The following TENM4 variants were observed in gnomAD, a reference collection of about 807,000 sequenced individuals.
TENM4 encodes the protein teneurin transmembrane protein 4, also known as teneurin-4.
In TENM4, 82 loss-of-function variants were observed where a neutral mutation model predicts 243.3. The ratio of observed to expected loss-of-function variants is 0.34; its 90% CI spans 0.28 to 0.40. TENM4 has a LOEUF of 0.40. Ranked by LOEUF, TENM4 falls within the 10% of genes least tolerant of loss-of-function variation. The probability of loss-of-function intolerance (pLI) is 1.00; values close to 1 mark genes in which losing one functional copy is unlikely to be tolerated. For missense variants in TENM4, 3,138 were observed against 3,673.3 expected, an observed-to-expected ratio of 0.85 and a Z score of 3.77; for synonymous variants, 1,412 against 1,456.3, an observed-to-expected ratio of 0.97 and a Z score of 0.69.
intron 1 of TENM4, among the ~76,000 whole-genome samples, chr11:79,421,311 T>C (rs1858926290): frequency 6.6e-6 from 1 of 152,228 alleles, no homozygotes. Flanking sequence ...AAGGAGAACC[T>C]AGTATTTCAT....
intron 4 of TENM4, among the ~76,000 whole-genome samples, chr11:79,124,192 T>C (rs777643308): frequency 2.1e-4 from 32 of 152,322 alleles, no homozygotes; most frequent in Non-Finnish European, 3.1e-4. Context: ...GCAAGTTTTC[T>C]TCCACAATGG....
chr11:79,383,896 A>G (rs1306771971), intron 1 of TENM4, among the ~76,000 whole-genome samples: 1 of 152,226 alleles, frequency 6.6e-6, no homozygotes, highest in Non-Finnish European at 1.5e-5. Flanking sequence ...GAATGTTCAC[A>G]TAAGGCACGT....
At chr11:78,872,453 C>T (rs1859158992) in intron 9 of TENM4, among the ~76,000 whole-genome samples, 1 of 152,180 alleles carries the variant, frequency 6.6e-6, no homozygotes, top group Admixed American at 6.5e-5. Context: ...TTGGGTGGTA[C>T]AACACGCCAC....
chr11:79,063,336 A>G (rs985532376), intron 6 of TENM4, among the ~76,000 whole-genome samples: 6 of 152,170 alleles, frequency 3.9e-5, no homozygotes, highest in African/African-American at 1.4e-4. Flanking sequence ...AATCCCGGGC[A>G]GGAATCACGA....
chr11:78,899,543 A>C (rs1855877017), intron 7 of TENM4, among the ~76,000 whole-genome samples: 2 of 113,154 alleles, frequency 1.8e-5, no homozygotes, highest in African/African-American at 3.5e-5. Flanking sequence ...ATGCCACTGC[A>C]CTCTGTCTCA....
chr11:79,054,684 G>A (rs1056566078), intron 6 of TENM4, among the ~76,000 whole-genome samples: 26 of 152,032 alleles, frequency 1.7e-4, no homozygotes, highest in African/African-American at 5.6e-4. Flanking sequence ...TAGTTCAAGC[G>A]ATCCTCCCGC....
At chr11:78,869,522 G>A (rs926322806) in intron 9 of TENM4, among the ~76,000 whole-genome samples, 3 of 152,136 alleles carry the variant, frequency 2.0e-5, no homozygotes, top group Non-Finnish European at 4.4e-5. Context: ...TACAGCATGG[G>A]GGAGGGGTCC....
At chr11:78,973,155 T>A (rs1255092539) in intron 6 of TENM4, among the ~76,000 whole-genome samples, 2 of 152,276 alleles carry the variant, frequency 1.3e-5, no homozygotes, top group Non-Finnish European at 2.9e-5. Context: ...CCTTTGTGTA[T>A]ACATTTCTGT....
At chr11:79,230,191 A>C (rs1864348902) in intron 2 of TENM4, among the ~76,000 whole-genome samples, 2 of 152,156 alleles carry the variant, frequency 1.3e-5, no homozygotes, top group Admixed American at 6.5e-5. Flanking sequence ...CACACCTTGA[A>C]GACCATTTCA....
At chr11:79,364,015 C>A (rs1268843501) in intron 1 of TENM4, among the ~76,000 whole-genome samples, 1 of 152,186 alleles carries the variant, frequency 6.6e-6, no homozygotes, top group East Asian at 1.9e-4. Flanking sequence ...TCACTTGGAG[C>A]TGTTGGCTGT....
intron 6 of TENM4, among the ~76,000 whole-genome samples, chr11:78,949,866 G>A (rs191577994): frequency 8.0e-4 from 122 of 152,280 alleles, no homozygotes; most frequent in Non-Finnish European, 1.5e-3. Flanking sequence ...GGGTGCAGGG[G>A]GAGGTGGGAA....
At chr11:79,212,894 G>C (rs952693706) in intron 3 of TENM4, among the ~76,000 whole-genome samples, 4 of 152,168 alleles carry the variant, frequency 2.6e-5, no homozygotes, top group Non-Finnish European at 5.9e-5. Flanking sequence ...CGAGGGAGAC[G>C]GGAACTCACA....
At position 79,295,892 on chromosome 11, in the gene TENM4, A is replaced by G. The variant is rs1468282208; in HGVS notation, c.-265+1596T>C. On this transcript the variant is annotated intron_variant, in intron 2 of 33. Coordinates refer to ENST00000278550, the MANE Select transcript of TENM4 (RefSeq NM_001098816.3). ...TTTTAATAAGAATTGCCTCCCAGGG[A>G]TTAAACACACACACACACACACACA... Among the ~76,000 whole-genome samples the G allele has an allele frequency of 1.8e-4, 10 of 56,638 alleles. 2 individuals carry two copies. In the South Asian group the frequency reaches 5.6e-3, roughly 32 times the overall value. The allele number at this position is 56,638 out of a possible 152,430, so 37.2% of individuals were successfully genotyped here. A position where few individuals can be genotyped will look rare whatever the true frequency, so the allele number is the denominator to read the frequency against.
chr11:79,139,586 T>C (rs1416074384), intron 4 of TENM4, among the ~76,000 whole-genome samples: 1 of 96,942 alleles, frequency 1.0e-5, no homozygotes, highest in Non-Finnish European at 1.8e-5. Flanking sequence ...ATATATTATA[T>C]TTCTAGAAAT....
chr11:79,225,554 G>A (rs183135110), intron 2 of TENM4, among the ~76,000 whole-genome samples: 1 of 152,242 alleles, frequency 6.6e-6, no homozygotes, highest in African/African-American at 2.4e-5. Context: ...AGTAGCTGAT[G>A]TGTACCACCA....
chr11:79,252,327 C>A (rs149389474), intron 2 of TENM4, among the ~76,000 whole-genome samples: 2 of 152,308 alleles, frequency 1.3e-5, no homozygotes, highest in South Asian at 4.1e-4. Context: ...CTCTGCCTCC[C>A]GCGTTCACGC....
chr11:79,017,794 A>C (rs951810004), intron 6 of TENM4, among the ~76,000 whole-genome samples: 2 of 152,222 alleles, frequency 1.3e-5, no homozygotes, highest in Admixed American at 6.5e-5. Flanking sequence ...CTTAGGGAGC[A>C]GGTCCAGCCT....
At chr11:78,997,057 G>C (rs999411014) in intron 6 of TENM4, among the ~76,000 whole-genome samples, 1 of 151,974 alleles carries the variant, frequency 6.6e-6, no homozygotes, top group African/African-American at 2.4e-5. Flanking sequence ...GCGGGGGTAG[G>C]GTGGGTGTAG....
intron 12 of TENM4, among the ~76,000 whole-genome samples, chr11:78,830,616 G>A (rs375458076): frequency 4.6e-5 from 7 of 152,320 alleles, no homozygotes; most frequent in Admixed American, 4.6e-4. Flanking sequence ...TGAGGTGGCC[G>A]CTGCTCGGGT....
Sources: allele counts gnomAD v4.1 joint callset (sites outside exome capture counted in the v4.1 genomes callset), GRCh38; gene constraint gnomAD v4.1.1; transcripts MANE v1.5; gene names NCBI Gene and HGNC (gene_info 2026-07-23, HGNC 2026-07-21).